Variants in PLEKHG1 observed in about 807,000 individuals in gnomAD.
PLEKHG1 encodes the protein pleckstrin homology domain-containing family G member 1.
In PLEKHG1, 44 loss-of-function variants were observed where a neutral mutation model predicts 100.8. That is an observed-to-expected ratio of 0.44 (90% CI 0.34 to 0.56). PLEKHG1 has a LOEUF of 0.56. Ranked by LOEUF, PLEKHG1 falls within the 20% of genes least tolerant of loss-of-function variation. PLEKHG1 has a pLI of 0.01. For synonymous variants in PLEKHG1, 640 were observed against 662.5 expected (o/e 0.97, Z 0.52); for missense variants, 1,545 against 1,720.9 (o/e 0.90, Z 1.81).
chr6:150,804,177 T>TATAATATATA, intron 6 of PLEKHG1, among the ~76,000 whole-genome samples: 1 of 24,410 alleles, frequency 4.1e-5, no homozygotes, highest in East Asian at 1.3e-3. Context: ...ATATATATAT[T>TATAATATATA]TTTTTTTTTT....
rs548930748 is a variant in PLEKHG1 at position 150,631,131 on chromosome 6, C to A, written c.-203-6949C>A. 2.6e-5 allele frequency among the ~76,000 whole-genome samples: 4 copies of A among 152,302 alleles called. No homozygotes were observed. In the East Asian group the frequency reaches 5.8e-4, roughly 22 times the overall value. ...GCCAAGAAAATCTATGCCCAGGAAT[C>A]CACAAGCTCACTTGTGGAGCAGAGG... is the stretch of plus-strand genomic sequence containing the variant. On this transcript the variant is annotated intron_variant, in intron 1 of 3. Transcript: ENST00000367326.
At chr6:150,820,195 T>C (rs1465757096) in intron 12 of PLEKHG1, among the ~76,000 whole-genome samples, 2 of 151,070 alleles carry the variant, frequency 1.3e-5, no homozygotes, top group Non-Finnish European at 3.0e-5. Context: ...GGCGACAGAG[T>C]GAGACTCTGT....
intron 1 of PLEKHG1, among the ~76,000 whole-genome samples, chr6:150,619,103 C>T (rs1050791067): frequency 1.3e-5 from 2 of 152,110 alleles, no homozygotes; most frequent in Non-Finnish European, 2.9e-5. Flanking sequence ...AAAGAAAAAA[C>T]AGTTCAGACT....
At chr6:150,752,151 A>G (rs1783553874) in intron 2 of PLEKHG1, among the ~76,000 whole-genome samples, 1 of 152,042 alleles carries the variant, frequency 6.6e-6, no homozygotes. Context: ...ACACCAATGC[A>G]CTCTAGCCTG....
chr6:150,677,385 C>T (rs1227836753), intron 3 of PLEKHG1, among the ~76,000 whole-genome samples: 2 of 152,168 alleles, frequency 1.3e-5, no homozygotes, highest in South Asian at 2.1e-4. Context: ...AGTCTTTGCA[C>T]ATGGCACTCC....
chr6:150,804,881 C>A, intron 7 of PLEKHG1, 140 bp downstream of exon 8: 1 of 660,878 alleles, frequency 1.5e-6, no homozygotes, highest in Non-Finnish European at 2.5e-6. Context: ...AAGTTCAGGA[C>A]ATCAGTAATA....
rs148557213 is a variant in PLEKHG1 at position 150,831,436 on chromosome 6, C to T, written c.2325C>T (p.Phe775=). 1.7e-5 allele frequency: 28 copies of T among 1,614,056 alleles called. No individual in the cohort carries two copies. Among genetic ancestry groups the T allele is most frequent in the African/African-American group, 4.0e-5 (3 of 74,932 alleles). The stretch of plus-strand genomic sequence containing the variant: ...CCTTTTTGGGTCTGGAGGCCGACTT[C>T]GTGTGCTGTGACAGCCTGAGGCCAT... Residue 775 remains phenylalanine (F), a synonymous_variant, in exon 15 of 16, where the codon TTC becomes TTT. Transcript: ENST00000358517. This position sits in a 1 kb window ranked among gnomAD's most constrained non-coding sequence, Gnocchi z 4.1.
At chr6:150,804,502 T>A in intron 6 of PLEKHG1, 108 bp from the exon 8 acceptor site, 1 of 932,900 alleles carries the variant, frequency 1.1e-6, no homozygotes, top group Non-Finnish European at 1.5e-6. Flanking sequence ...TGTAAATAAA[T>A]AAGCAAAAAT....
In PLEKHG1 at chr6:150,701,466, T is replaced by TATATATATAA. The variant is rs1212311635; in HGVS notation, c.-98-32117_-98-32116insTATATATAAA. 1.8e-4 allele frequency among the ~76,000 whole-genome samples: 15 copies of TATATATATAA among 84,202 alleles called. 1 individual carries two copies. Among genetic ancestry groups the TATATATATAA allele is most frequent in the African/African-American group, 9.3e-4 (8 of 8,580 alleles). 55.2% of individuals were successfully genotyped at this position (84,202 alleles called of 152,430 possible). On this transcript the variant is annotated intron_variant, in intron 3 of 3. Transcript: ENST00000367326. ...ATATATATATATATATATATATATA[T>TATATATATAA]AATTATACTTTAAGTTCTAGGGTAC...
At chr6:150,828,754 A>C (rs904837208) in intron 14 of PLEKHG1, among the ~76,000 whole-genome samples, 3 of 152,184 alleles carry the variant, frequency 2.0e-5, no homozygotes, top group African/African-American at 7.2e-5. Context: ...ATTTTATTAC[A>C]CTTTAAAAAT....
chr6:150,766,368 C>T (rs951755811), intron 2 of PLEKHG1, among the ~76,000 whole-genome samples: 4 of 152,180 alleles, frequency 2.6e-5, no homozygotes, highest in African/African-American at 7.2e-5. Context: ...TCATTTCGGG[C>T]GCAGAATGAA....
chr6:150,681,566 G>A (rs1779934453), intron 3 of PLEKHG1, among the ~76,000 whole-genome samples: 1 of 150,904 alleles, frequency 6.6e-6, no homozygotes, highest in South Asian at 2.1e-4. Context: ...CTTAAAAAAA[G>A]AGTTGTAGAA....
At chr6:150,817,353 A>G (rs1357181489) in intron 10 of PLEKHG1, among the ~76,000 whole-genome samples, 3 of 152,204 alleles carry the variant, frequency 2.0e-5, no homozygotes, top group Admixed American at 6.5e-5. Flanking sequence ...TTGGGGAAAC[A>G]GAGAGACTTA....
At chr6:150,810,518 G>GA (rs1787442373) in intron 10 of PLEKHG1, among the ~76,000 whole-genome samples, 1 of 76,950 alleles carries the variant, frequency 1.3e-5, no homozygotes, top group Admixed American at 1.2e-4. Context: ...GAAAGAAAAA[G>GA]AAAGAAAGAA....
chr6:150,828,174 G>A (rs1486130213), intron 14 of PLEKHG1: 1 of 1,613,714 alleles, frequency 6.2e-7, no homozygotes, highest in Non-Finnish European at 8.5e-7. Flanking sequence ...TGTTTACCTG[G>A]AAGGAGATAT....
In PLEKHG1 at chr6:150,725,756, GTTTT is replaced by G. The variant is rs555158016; in HGVS notation, c.-99+4563_-99+4566del. On this transcript the variant is annotated intron_variant, in intron 1 of 15. Transcript: ENST00000358517. ...GTGTCATGAAGCTTTTCTCCCCTATGTTTTTTTTTTCTTTTTTTTTCTTAGAGGC... is the reference window on the plus strand; with the variant it reads ...GTGTCATGAAGCTTTTCTCCCCTATGTTTTTTCTTTTTTTTTCTTAGAGGC... Among the ~76,000 whole-genome samples, 8 of 135,874 alleles carry G rather than the reference GTTTT, an allele frequency of 5.9e-5. No homozygotes were observed. The South Asian group carries it at 1.8e-3, about 31-fold the overall frequency. The allele number at this position is 135,874 out of a possible 152,430, so 89.1% of individuals were successfully genotyped here. A position where few individuals can be genotyped will look rare whatever the true frequency, so the allele number is the denominator to read the frequency against.
intron 2 of PLEKHG1, among the ~76,000 whole-genome samples, chr6:150,739,669 A>G (rs1404257969): frequency 6.6e-6 from 1 of 151,450 alleles, no homozygotes; most frequent in African/African-American, 2.4e-5. Context: ...CTCTGTCAAA[A>G]AAAAAAACAA....
chr6:150,675,640 G>A (rs1779728814), intron 3 of PLEKHG1, among the ~76,000 whole-genome samples: 1 of 152,188 alleles, frequency 6.6e-6, no homozygotes, highest in Admixed American at 6.5e-5. Context: ...GAGTGCAGAG[G>A]TGTGATTGGC....
At chr6:150,786,722 C>T (rs373533586) in intron 4 of PLEKHG1, among the ~76,000 whole-genome samples, 83 of 151,794 alleles carry the variant, frequency 5.5e-4, no homozygotes, top group African/African-American at 1.9e-3. Flanking sequence ...GGGGAGAGTC[C>T]GGAGTAGAAG....
Sources: allele counts gnomAD v4.1 joint callset (sites outside exome capture counted in the v4.1 genomes callset), GRCh38; gene constraint gnomAD v4.1.1; non-coding constraint Gnocchi (gnomAD v3.1); transcripts MANE v1.5; gene names NCBI Gene and HGNC (gene_info 2026-07-23, HGNC 2026-07-21).